Variants in CORO2A observed in about 807,000 individuals in gnomAD.
The protein encoded by CORO2A is coronin 2A.
A neutral mutation model predicts 62.4 loss-of-function variants in CORO2A; 47 were observed. That is an observed-to-expected ratio of 0.75 (90% CI 0.60 to 0.96). CORO2A has a LOEUF of 0.96. CORO2A is among the 40% of genes least tolerant of loss of function. CORO2A has a pLI of 0.00. For synonymous variants in CORO2A, 273 were observed against 268.9 expected (o/e 1.02, Z -0.15); for missense variants, 610 against 684.1 (o/e 0.89, Z 1.21).
intron 2 of CORO2A, among the ~76,000 whole-genome samples, chr9:98,151,809 G>A (rs1448871774): frequency 2.0e-5 from 3 of 148,612 alleles, no homozygotes; most frequent in South Asian, 2.1e-4. Flanking sequence ...CACCATGCCC[G>A]GCTAATTTTT....
At chr9:98,128,758 G>C in intron 8 of CORO2A, 39 bp from the exon 9 acceptor site, 1 of 1,569,042 alleles carries the variant, frequency 6.4e-7, no homozygotes, top group Admixed American at 1.7e-5. Context: ...TTCTGGCTAG[G>C]CTGGGGCCAC....
intron 2 of CORO2A, among the ~76,000 whole-genome samples, chr9:98,146,187 C>T (rs1827642021): frequency 6.6e-6 from 1 of 152,190 alleles, no homozygotes. Flanking sequence ...TTCCTCCCCA[C>T]CCTCCACACC....
In CORO2A at chr9:98,124,586, G is replaced by A. The variant is rs200907246; in HGVS notation, c.*188C>T. The A allele has an allele frequency of 3.6e-5, 19 of 532,594 alleles. No homozygotes were observed. In the East Asian group the frequency reaches 5.2e-4, roughly 14 times the overall value. The allele number at this position is 532,594 out of a possible 1,614,324, so 33.0% of individuals were successfully genotyped here. ...AAACAAAGTCAATTCAGAAACTGTT[G>A]TTGCAAGAAGGCAAACAGAAAAACG... On this transcript the variant is annotated 3_prime_UTR_variant, in exon 12 of 12. Coordinates refer to ENST00000375077, the MANE Select transcript of CORO2A (RefSeq NM_052820.4).
intron 2 of CORO2A, among the ~76,000 whole-genome samples, chr9:98,151,683 G>C (rs1827725722): frequency 6.6e-6 from 1 of 151,878 alleles, no homozygotes; most frequent in South Asian, 2.1e-4. Flanking sequence ...CTTTTTTTGA[G>C]ACGGAATTTT....
intron 5 of CORO2A, 82 bp from the exon 6 acceptor site, chr9:98,132,383 T>A (rs1827421396): frequency 8.8e-7 from 1 of 1,131,676 alleles, no homozygotes; most frequent in African/African-American, 1.5e-5. Flanking sequence ...CTGCTTTGCT[T>A]ATGCCACCGC....
chr9:98,126,912 A>G (rs1827330038), intron 10 of CORO2A, 89 bp from the exon 11 acceptor site: 2 of 1,432,742 alleles, frequency 1.4e-6, no homozygotes, highest in Non-Finnish European at 2.0e-6. Flanking sequence ...GCATGCAGAG[A>G]CACTCAGAGC....
chr9:98,132,435 G>T, intron 5 of CORO2A, 134 bp from the exon 6 acceptor site: 1 of 664,256 alleles, frequency 1.5e-6, no homozygotes, highest in Non-Finnish European at 2.7e-6. Context: ...GCTCTGCCTG[G>T]AGATTCTTCC....
chr9:98,179,659 AG>A (rs1828151722), intron 1 of CORO2A, among the ~76,000 whole-genome samples: 3 of 152,070 alleles, frequency 2.0e-5, no homozygotes, highest in African/African-American at 7.2e-5. Context: ...GGCAGGAGGG[AG>A]GTGAGCAGTC....
intron 1 of CORO2A, among the ~76,000 whole-genome samples, chr9:98,161,981 C>G (rs1827893016): frequency 6.6e-6 from 1 of 152,186 alleles, no homozygotes. Context: ...CAACACCTCC[C>G]CTGGAGCTCA....
intron 3 of CORO2A, 60 bp from the exon 4 acceptor site, chr9:98,135,015 G>A: frequency 6.3e-7 from 1 of 1,586,926 alleles, no homozygotes. Context: ...ACCGTCACCA[G>A]CCTAAGCCAC....
chr9:98,164,310 C>T (rs1310850335), intron 1 of CORO2A, among the ~76,000 whole-genome samples: 1 of 152,232 alleles, frequency 6.6e-6, no homozygotes, highest in African/African-American at 2.4e-5. Flanking sequence ...GGTCCCTCAC[C>T]TGGACTCCAA....
At chr9:98,170,503 G>A (rs532713014) in intron 1 of CORO2A, among the ~76,000 whole-genome samples, 5 of 152,220 alleles carry the variant, frequency 3.3e-5, no homozygotes, top group South Asian at 4.2e-4. Context: ...GTGCAATGGC[G>A]TGATCTTGGC....
intron 3 of CORO2A, among the ~76,000 whole-genome samples, chr9:98,135,737 G>A (rs1827477010): frequency 6.6e-6 from 1 of 152,172 alleles, no homozygotes. Context: ...TTCCCTTAGA[G>A]GTATACAGGT....
chr9:98,169,555 G>A (rs999680565), intron 1 of CORO2A, among the ~76,000 whole-genome samples: 11 of 151,910 alleles, frequency 7.2e-5, no homozygotes, highest in African/African-American at 2.4e-4. Context: ...AATGCACCCC[G>A]GGTCCCCTCT....
chr9:98,171,207 G>C (rs941815186), intron 1 of CORO2A, among the ~76,000 whole-genome samples: 2 of 152,220 alleles, frequency 1.3e-5, no homozygotes. Flanking sequence ...GACAGAGAGG[G>C]ACACTGAGGC....
rs371084777 is a variant in CORO2A at position 98,126,561 on chromosome 9, C to G, written c.1434G>C (p.Lys478Asn). 5.0e-6 allele frequency: 8 copies of G among 1,613,652 alleles called. No homozygotes were observed. Among genetic ancestry groups the G allele is most frequent in the Non-Finnish European group, 5.9e-6 (7 of 1,179,644 alleles). ...TCCTCCTTCACACCTCATTCTCTGT[C>G]TTTGGTGGGGGGCATTCGAAAACGT... ...GFDVFECPPP[K>N]TENELLQMFY... Residue 478 changes from lysine to asparagine, a missense_variant, in exon 11 of 12, where the codon AAG becomes AAC. Physicochemically the swap from Lys to Asn is moderately conservative, Grantham distance 94. Coordinates refer to ENST00000375077, the MANE Select transcript of CORO2A (RefSeq NM_052820.4).
At chr9:98,189,724 T>TA (rs1334552160) in intron 1 of CORO2A, among the ~76,000 whole-genome samples, 1 of 152,208 alleles carries the variant, frequency 6.6e-6, no homozygotes, top group African/African-American at 2.4e-5. Flanking sequence ...TCTGCTGACT[T>TA]TAGTCTCATG....
intron 10 of CORO2A, 78 bp from the exon 11 acceptor site, chr9:98,126,901 G>T (rs1827329936): frequency 6.7e-7 from 1 of 1,497,994 alleles, no homozygotes; most frequent in South Asian, 1.2e-5. Context: ...GACACAGGCA[G>T]GCATGCAGAG....
At chr9:98,168,192 T>C (rs1648514407) in intron 1 of CORO2A, among the ~76,000 whole-genome samples, 1 of 152,236 alleles carries the variant, frequency 6.6e-6, no homozygotes, top group Non-Finnish European at 1.5e-5. Context: ...CCACATGTGC[T>C]TCATAATCAC....
Sources: allele counts gnomAD v4.1 joint callset (sites outside exome capture counted in the v4.1 genomes callset), GRCh38; gene constraint gnomAD v4.1.1; transcripts MANE v1.5; gene names NCBI Gene and HGNC (gene_info 2026-07-23, HGNC 2026-07-21).